Variants in RGS6 observed in about 807,000 individuals in gnomAD.
RGS6 encodes the protein regulator of G protein signaling 6.
RGS6 carries 30 observed loss-of-function variants against 78.5 expected under a neutral mutation model. The ratio of observed to expected loss-of-function variants is 0.38; its 90% CI spans 0.29 to 0.52. The LOEUF is 0.52. RGS6 is among the 20% of genes least tolerant of loss of function. The pLI, the probability that RGS6 is intolerant of heterozygous loss-of-function variation, is 0.85. For synonymous variants in RGS6, 206 were observed against 206.0 expected (o/e 1.00, Z 0.00); for missense variants, 495 against 609.7 (o/e 0.81, Z 1.98).
the RGS6 span, among the ~76,000 whole-genome samples, chr14:72,574,414 G>T: frequency 6.6e-6 from 1 of 152,150 alleles, no homozygotes; most frequent in Admixed American, 6.5e-5. Flanking sequence ...TTGCAAAGAG[G>T]AAGGCAGGAG....
At chr14:72,577,257 A>G in the RGS6 span, among the ~76,000 whole-genome samples, 27 of 152,330 alleles carry the variant, frequency 1.8e-4, no homozygotes, top group Middle Eastern at 3.4e-3. Flanking sequence ...ATTCATATCT[A>G]TATGAAGATT....
intron 2 of RGS6, among the ~76,000 whole-genome samples, chr14:72,261,624 C>G (rs1451388547): frequency 6.6e-6 from 1 of 152,122 alleles, no homozygotes; most frequent in African/African-American, 2.4e-5. Context: ...CCCCACCATT[C>G]AATGAACCAG....
the RGS6 span, among the ~76,000 whole-genome samples, chr14:71,924,013 T>G: frequency 6.6e-5 from 10 of 152,170 alleles, 1 homozygote; most frequent in East Asian, 1.2e-3. Flanking sequence ...ATGGCAGAAA[T>G]TTCTTCCTAT....
At chr14:72,611,791 C>T in the RGS6 span, among the ~76,000 whole-genome samples, 64 of 152,222 alleles carry the variant, frequency 4.2e-4, no homozygotes, top group African/African-American at 1.4e-3. Flanking sequence ...TTTCTTCCCC[C>T]GACCCCTCAG....
At chr14:72,625,804 A>G in the RGS6 span, among the ~76,000 whole-genome samples, 1 of 152,188 alleles carries the variant, frequency 6.6e-6, no homozygotes, top group Non-Finnish European at 1.5e-5. Flanking sequence ...TTCCAAACCA[A>G]TGCCTTCAAT....
chr14:72,280,265 A>G (rs2061361264), intron 2 of RGS6, among the ~76,000 whole-genome samples: 1 of 152,172 alleles, frequency 6.6e-6, no homozygotes. Context: ...GAAAAAGTGA[A>G]TAGGTTTTTA....
chr14:71,980,519 G>T (rs1484853703), intron 2 of RGS6, among the ~76,000 whole-genome samples: 1 of 77,096 alleles, frequency 1.3e-5, no homozygotes, highest in African/African-American at 4.8e-5. Flanking sequence ...CTTCACTTAT[G>T]AAGCTTAGTT....
At chr14:71,896,044 A>G in the RGS6 span, among the ~76,000 whole-genome samples, 126,212 of 151,976 alleles carry the variant, frequency 0.83, 52,609 homozygotes, top group African/African-American at 0.85. Flanking sequence ...TCCAGGTCCC[A>G]GTGGGGTGGA....
intron 12 of RGS6, 138 bp from the exon 13 acceptor site, chr14:72,495,014 G>C: frequency 1.6e-6 from 1 of 614,030 alleles, no homozygotes; most frequent in African/African-American, 1.8e-5. Flanking sequence ...AGTTTGATGT[G>C]TCAGAAGTGG....
At chr14:72,538,899 C>A (rs2097284810) in intron 16 of RGS6, among the ~76,000 whole-genome samples, 1 of 152,276 alleles carries the variant, frequency 6.6e-6, no homozygotes, top group Admixed American at 6.5e-5. Context: ...TGCCTTTGGC[C>A]TGTCCCCTCT....
At chr14:71,944,641 T>G (rs1046414187) in intron 1 of RGS6, among the ~76,000 whole-genome samples, 2 of 152,216 alleles carry the variant, frequency 1.3e-5, no homozygotes, top group Non-Finnish European at 2.9e-5. Flanking sequence ...AGACAGCATT[T>G]TATCATCAGA....
chr14:72,352,701 A>T (rs1329404549), intron 3 of RGS6, among the ~76,000 whole-genome samples: 1 of 152,158 alleles, frequency 6.6e-6, no homozygotes, highest in Non-Finnish European at 1.5e-5. Flanking sequence ...ATTAAAACAC[A>T]TGGGTAGTTC....
rs1050921109 is a variant in RGS6 at position 72,417,488 on chromosome 14, T to C, written c.185-37040T>C. Among the ~76,000 whole-genome samples the C allele has an allele frequency of 3.9e-5, 6 of 152,162 alleles. 1 individual carries two copies. The highest frequency in any genetic ancestry group is 3.3e-4 in the Admixed American group (5 of 15,284). On this transcript the variant is annotated intron_variant, in intron 3 of 17. Coordinates refer to ENST00000553525, the MANE Select transcript of RGS6 (RefSeq NM_001204424.2). The stretch of plus-strand genomic sequence containing the variant: ...CTGAAGATTTGGGCCGTCTTTTTTT[T>C]TCCCCCAGATAGTGGGGAGCTGGAT...
the RGS6 span, among the ~76,000 whole-genome samples, chr14:71,904,385 T>A: frequency 1.3e-5 from 2 of 152,236 alleles, no homozygotes; most frequent in Non-Finnish European, 2.9e-5. Flanking sequence ...CCTGGCTTTT[T>A]TCTTCCCCCT....
At chr14:72,205,218 C>T (rs532325711) in intron 2 of RGS6, among the ~76,000 whole-genome samples, 2 of 152,278 alleles carry the variant, frequency 1.3e-5, no homozygotes, top group South Asian at 2.1e-4. Flanking sequence ...CCACCCCTCC[C>T]TCAGTTGCTC....
chr14:72,489,438 A>T (rs1415733444), intron 12 of RGS6, among the ~76,000 whole-genome samples: 1 of 152,186 alleles, frequency 6.6e-6, no homozygotes, highest in African/African-American at 2.4e-5. Flanking sequence ...TGGAGCCCCA[A>T]AAGATAGGTC....
At chr14:72,567,233 C>T (rs1029471618), downstream of RGS6, among the ~76,000 whole-genome samples, 28 of 152,180 alleles carry the variant, frequency 1.8e-4, no homozygotes, top group African/African-American at 6.5e-4. Flanking sequence ...TGGGCCACCC[C>T]CTTGTGCAGG....
chr14:72,391,352 G>C (rs1303423448), intron 3 of RGS6, among the ~76,000 whole-genome samples: 2 of 152,238 alleles, frequency 1.3e-5, no homozygotes, highest in East Asian at 3.8e-4. Context: ...ACTGGCCGTG[G>C]AAAAGGGAAG....
At chr14:72,454,109 C>A (rs566766660) in intron 3 of RGS6, among the ~76,000 whole-genome samples, 3 of 152,158 alleles carry the variant, frequency 2.0e-5, no homozygotes, top group African/African-American at 7.2e-5. Context: ...TAGGCCTGTG[C>A]CGGAAGAGAT....
Sources: gnomAD v4.1 joint callset for allele counts (sites outside exome capture counted in the v4.1 genomes callset) on GRCh38, gnomAD v4.1.1 for gene constraint, MANE v1.5 for transcripts, NCBI Gene and HGNC (gene_info 2026-07-23, HGNC 2026-07-21) for gene names.